Variants in GALK2 observed in about 807,000 individuals in gnomAD.
GALK2 encodes the protein galactokinase 2.
In GALK2, 36 loss-of-function variants were observed where a neutral mutation model predicts 52.4. That is an observed-to-expected ratio of 0.69 (90% CI 0.53 to 0.91). The LOEUF is 0.91. Among genes scored for constraint, GALK2 ranks in the 40% least tolerant of loss-of-function variants. GALK2 has a pLI of 0.00. For synonymous variants in GALK2, 176 were observed against 199.1 expected, an observed-to-expected ratio of 0.88 and a Z score of 0.98; for missense variants, 579 against 559.1, an observed-to-expected ratio of 1.04 and a Z score of -0.36.
chr15:49,190,842 T>C (rs998030649), intron 1 of GALK2, among the ~76,000 whole-genome samples: 2 of 152,178 alleles, frequency 1.3e-5, no homozygotes, highest in East Asian at 1.9e-4. Flanking sequence ...CTGATTTCTG[T>C]GTTACTTCCC....
Position 49,328,057 on chromosome 15 carries a change from C to A in GALK2, c.1275C>A (p.His425Gln). The change falls in exon 10 of 10, where the codon CAC becomes CAA. Residue 425 changes from histidine to glutamine, a missense_variant. His to Gln is a conservative substitution (Grantham distance 24). Coordinates refer to ENST00000560031, the MANE Select transcript of GALK2 (RefSeq NM_002044.4). Reference protein sequence around the residue: ...DKLPSFLANVHKAYYQRSDGS... With the variant: ...DKLPSFLANVQKAYYQRSDGS... ...TGCCCAGCTTTCTAGCAAATGTGCA[C>A]AAAGCTTATTACCAGAGGAGTGATG... The A allele has an allele frequency of 6.2e-7, 1 of 1,613,992 alleles. No homozygotes were observed. The highest frequency in any genetic ancestry group is 8.5e-7 in the Non-Finnish European group (1 of 1,179,974).
At chr15:49,322,069 T>A (rs1458820777) in intron 9 of GALK2, among the ~76,000 whole-genome samples, 5 of 152,230 alleles carry the variant, frequency 3.3e-5, no homozygotes, top group African/African-American at 1.2e-4. Flanking sequence ...TACAGACCTA[T>A]ACATTTAAAA....
At chr15:49,236,020 C>A in intron 4 of GALK2, 79 bp downstream of exon 4, 2 of 866,400 alleles carry the variant, frequency 2.3e-6, no homozygotes, top group South Asian at 1.4e-5. Flanking sequence ...TTTACTACAT[C>A]TTTTTCATCT....
chr15:49,307,297 CTG>C (rs1406574406), intron 8 of GALK2, among the ~76,000 whole-genome samples: 1 of 152,086 alleles, frequency 6.6e-6, no homozygotes, highest in East Asian at 1.9e-4. Context: ...ATTTGGGGGA[CTG>C]TTGATGTTTC....
intron 3 of GALK2, among the ~76,000 whole-genome samples, chr15:49,355,667 C>A (rs1596462721): frequency 6.6e-6 from 1 of 151,978 alleles, no homozygotes; most frequent in East Asian, 1.9e-4. Flanking sequence ...AAACACTCTG[C>A]AGGATATTAT....
intron 5 of GALK2, among the ~76,000 whole-genome samples, chr15:49,240,276 G>C (rs747919167): frequency 5.3e-5 from 8 of 152,100 alleles, no homozygotes; most frequent in Non-Finnish European, 7.4e-5. Context: ...AGAAGCAAGG[G>C]ACAGGAAGTC....
At chr15:49,240,411 A>G (rs914297455) in intron 5 of GALK2, among the ~76,000 whole-genome samples, 2 of 152,228 alleles carry the variant, frequency 1.3e-5, no homozygotes, top group South Asian at 2.1e-4. Flanking sequence ...TGTTCAAGGC[A>G]TTGGAGATAT....
chr15:49,173,349 G>T (rs1398957329), intron 1 of GALK2, among the ~76,000 whole-genome samples: 1 of 152,036 alleles, frequency 6.6e-6, no homozygotes, highest in Non-Finnish European at 1.5e-5. Flanking sequence ...CTATCTTTTG[G>T]CTCTTATGAA....
chr15:49,217,379 A>G (rs1449653029), intron 3 of GALK2, 66 bp downstream of exon 3: 5 of 1,433,752 alleles, frequency 3.5e-6, no homozygotes, highest in Non-Finnish European at 4.7e-6. Context: ...TGAACTCTTT[A>G]GGAGACATCA....
chr15:49,217,608 T>G lies in GALK2; in HGVS notation c.266+295T>G, dbSNP rs866585074. 3.9e-5 allele frequency among the ~76,000 whole-genome samples: 6 copies of G among 152,218 alleles called. No individual in the cohort carries two copies. The South Asian group carries it at 8.3e-4, about 21-fold the overall frequency. On this transcript the variant is annotated intron_variant, in intron 3 of 9. Transcript: ENST00000560031. Reference sequence around the variant, plus strand: ...GGTACTTATCATCTATTGATCTAATTATCTCCAGCAAAGTCAGGTCTGATG... The same window carrying G: ...GGTACTTATCATCTATTGATCTAATGATCTCCAGCAAAGTCAGGTCTGATG...
At chr15:49,326,344 T>C (rs919767200) in intron 9 of GALK2, among the ~76,000 whole-genome samples, 1 of 133,536 alleles carries the variant, frequency 7.5e-6, no homozygotes, top group African/African-American at 2.8e-5. Context: ...CACTGCAACC[T>C]CCACCTCCTG....
chr15:49,308,808 G>T lies in GALK2; in HGVS notation c.968-10796G>T, dbSNP rs1261656605. ...GGAGACTGGAAATTTGATCATGTTG[G>T]AACTTGGAAGGTTGCTCTGGAGAGA... On this transcript the variant is annotated intron_variant, in intron 8 of 9. Transcript: ENST00000560031. Among the ~76,000 whole-genome samples, 3 of 152,212 alleles carry T rather than the reference G, an allele frequency of 2.0e-5. No homozygotes were observed. The East Asian group carries it at 5.8e-4, about 29-fold the overall frequency.
At chr15:49,363,878 G>A (rs1420658040) in intron 3 of GALK2, among the ~76,000 whole-genome samples, 1 of 152,066 alleles carries the variant, frequency 6.6e-6, no homozygotes, top group Non-Finnish European at 1.5e-5. Context: ...ATAATCTTAT[G>A]GGTCTGTTTT....
chr15:49,307,883 G>A (rs1404537836), intron 8 of GALK2, among the ~76,000 whole-genome samples: 2 of 151,998 alleles, frequency 1.3e-5, no homozygotes, highest in Non-Finnish European at 2.9e-5. Flanking sequence ...TTTCATCAGC[G>A]AGTTTGCTTT....
chr15:49,357,645 A>C (rs1326552695), intron 3 of GALK2, among the ~76,000 whole-genome samples: 1 of 150,490 alleles, frequency 6.6e-6, no homozygotes, highest in Non-Finnish European at 1.5e-5. Flanking sequence ...TCACAGCCGA[A>C]TTCTACCAGA....
chr15:49,295,797 G>T (rs2141839368), intron 8 of GALK2, among the ~76,000 whole-genome samples: 1 of 152,280 alleles, frequency 6.6e-6, no homozygotes, highest in Non-Finnish European at 1.5e-5. Context: ...GTTTCTACCT[G>T]TCTTAAAAGC....
At chr15:49,169,785 A>G (rs1189219485), upstream of GALK2, among the ~76,000 whole-genome samples, 3 of 152,250 alleles carry the variant, frequency 2.0e-5, no homozygotes, top group Admixed American at 2.0e-4. Flanking sequence ...CAAGTGATAC[A>G]TCAATTTTAT....
At chr15:49,337,414 G>A (rs2039908424) in intron 3 of GALK2, among the ~76,000 whole-genome samples, 1 of 148,144 alleles carries the variant, frequency 6.8e-6, no homozygotes, top group South Asian at 2.1e-4. Context: ...TCTCATTGTG[G>A]TTTTCGTTTG....
intron 8 of GALK2, among the ~76,000 whole-genome samples, chr15:49,303,108 G>C (rs746028673): frequency 9.2e-5 from 14 of 152,070 alleles, no homozygotes; most frequent in Non-Finnish European, 1.6e-4. Context: ...TGGCTGTGGA[G>C]GACAGGTTCA....
Sources: allele counts gnomAD v4.1 joint callset (sites outside exome capture counted in the v4.1 genomes callset), GRCh38; gene constraint gnomAD v4.1.1; transcripts MANE v1.5; gene names NCBI Gene and HGNC (gene_info 2026-07-23, HGNC 2026-07-21).